ARRDC5: variants seen among roughly 807,000 people sequenced by gnomAD.
ARRDC5 encodes arrestin domain-containing protein 5.
ARRDC5 carries 12 observed loss-of-function variants against 13.3 expected under a neutral mutation model. The ratio of observed to expected loss-of-function variants is 0.90; its 90% CI spans 0.58 to 1.46. The LOEUF is 1.46. ARRDC5 is among the 40% of genes most tolerant of loss of function. The pLI is 0.00. For synonymous variants in ARRDC5, 181 were observed against 173.4 expected, an observed-to-expected ratio of 1.04 and a Z score of -0.34; for missense variants, 406 against 418.7, an observed-to-expected ratio of 0.97 and a Z score of 0.26.
the ARRDC5 span, among the ~76,000 whole-genome samples, chr19:4,908,659 C>T: frequency 2.0e-5 from 3 of 152,178 alleles, no homozygotes; most frequent in Admixed American, 6.5e-5. Flanking sequence ...GAGAGAGTAT[C>T]CTCTCTCCCC....
chr19:4,898,949 G>A (rs1054237452), intron 1 of ARRDC5, among the ~76,000 whole-genome samples: 3 of 151,652 alleles, frequency 2.0e-5, no homozygotes, highest in African/African-American at 4.8e-5. Context: ...TTTCATCACT[G>A]CTGCATCCCC....
chr19:4,896,348 A>ATATTTT (rs1407717173), intron 2 of ARRDC5, among the ~76,000 whole-genome samples: 12 of 59,608 alleles, frequency 2.0e-4, no homozygotes, highest in African/African-American at 7.7e-4. Flanking sequence ...ATATATATAT[A>ATATTTT]TTTTTTTTTT....
rs200747601 is a variant in ARRDC5, at chr19:4,896,762, G to T, written c.368C>A (p.Ser123Tyr). 6.2e-7 allele frequency: 1 copy of T among 1,613,772 alleles called. No homozygotes were observed. The highest frequency in any genetic ancestry group is 2.2e-5 in the East Asian group (1 of 44,870). ...TAAAATGTGTTCCCTGCCCATGCAG[G>T]AAGCTTGTACGAAATAGAAGACATG... ...FGHVFYFVQA[S>Y]CMGREHILAK... The change falls in exon 2 of 3, where the codon TCC becomes TAC. Residue 123 changes from serine to tyrosine, a missense_variant. Ser to Tyr is a moderately radical substitution (Grantham distance 144). Transcript: ENST00000650722.
At chr19:4,892,402 T>TA (rs1276884216) in intron 2 of ARRDC5, among the ~76,000 whole-genome samples, 2 of 144,124 alleles carry the variant, frequency 1.4e-5, no homozygotes, top group Non-Finnish European at 3.0e-5. Context: ...TTTTTTTTTT[T>TA]AATGCAGCCT....
Position 4,896,806 on chromosome 19 carries a change from G to A in ARRDC5, c.324C>T (p.Thr108=), listed in dbSNP as rs1301015540. 6.2e-7 allele frequency: 1 copy of A among 1,613,890 alleles called. No individual in the cohort carries two copies. Among genetic ancestry groups the A allele is most frequent in the Non-Finnish European group, 8.5e-7 (1 of 1,179,842 alleles). The change falls in exon 2 of 3, where the codon ACC becomes ACT. Residue 108 remains threonine, a synonymous_variant. Coordinates refer to ENST00000650722, the MANE Select transcript of ARRDC5 (RefSeq NM_001080523.3). ...HFNLPPRLPS[T]FTSKFGHVFY... ...AGACATGGCCAAATTTGCTGGTGAA[G>A]GTAGAAGGAAGCCTGGGAGGTAAGT...
Position 4,891,329 on chromosome 19 carries a change from T to G in ARRDC5, c.704A>C (p.Glu235Ala), listed in dbSNP as rs201181989. 1.2e-5 allele frequency: 20 copies of G among 1,613,850 alleles called. No homozygotes were observed. In the East Asian group the frequency reaches 4.5e-4, roughly 36 times the overall value. ...GGTGTTGGCCTCCTGCCTCAGAAGCTCGCTGCTGTCCAGCCGAGACCGCCG... is the reference window on the plus strand; with the variant it reads ...GGTGTTGGCCTCCTGCCTCAGAAGCGCGCTGCTGTCCAGCCGAGACCGCCG... The part of the protein sequence containing the change: ...AERRSRLDSS[E>A]LLRQEANTPV... Residue 235 changes from glutamate (E) to alanine (A), a missense_variant, in exon 3 of 3, where the codon GAG becomes GCG. Transcript: ENST00000650722.
chr19:4,906,697 G>C (rs185413375), upstream of ARRDC5, among the ~76,000 whole-genome samples: 530 of 152,238 alleles, frequency 3.5e-3, 4 homozygotes, highest in Admixed American at 0.011. Flanking sequence ...AGGTTGCGGA[G>C]AGCCAAGATC....
At chr19:4,913,298 G>T in the ARRDC5 span, among the ~76,000 whole-genome samples, 2 of 125,768 alleles carry the variant, frequency 1.6e-5, no homozygotes, top group East Asian at 4.3e-4. Context: ...TTGTTGCCCA[G>T]GCTGGAGTGC....
the ARRDC5 span, chr19:4,910,850 G>A: frequency 1.9e-6 from 3 of 1,580,254 alleles, no homozygotes; most frequent in African/African-American, 4.1e-5. Context: ...AAAACTGATG[G>A]GGGTTTTTGC....
chr19:4,897,544 G>A (rs532981095), intron 1 of ARRDC5, among the ~76,000 whole-genome samples: 4 of 152,236 alleles, frequency 2.6e-5, no homozygotes, highest in African/African-American at 9.6e-5. Context: ...TAGGGACAAA[G>A]TCTGGCTCTG....
At chr19:4,909,386 C>G in the ARRDC5 span, 2 of 633,962 alleles carry the variant, frequency 3.2e-6, no homozygotes, top group Admixed American at 2.4e-5. Context: ...GCCCCCCACC[C>G]TCTTTCTCGC....
intron 1 of ARRDC5, among the ~76,000 whole-genome samples, chr19:4,897,604 A>C (rs563151894): frequency 6.6e-6 from 1 of 151,936 alleles, no homozygotes; most frequent in African/African-American, 2.4e-5. Context: ...GCAGCCTCCA[A>C]CTCCTGAGAT....
At chr19:4,913,143 C>T in the ARRDC5 span, among the ~76,000 whole-genome samples, 62 of 152,200 alleles carry the variant, frequency 4.1e-4, no homozygotes, top group African/African-American at 1.2e-3. Flanking sequence ...ACCCCTATCT[C>T]CCCTCATTTG....
At chr19:4,916,080 C>T in the ARRDC5 span, among the ~76,000 whole-genome samples, 7 of 152,070 alleles carry the variant, frequency 4.6e-5, no homozygotes, top group African/African-American at 1.2e-4. Context: ...GAGGCTGAGG[C>T]GAGGATCGCT....
At chr19:4,912,619 TTCTC>T in the ARRDC5 span, among the ~76,000 whole-genome samples, 10 of 152,192 alleles carry the variant, frequency 6.6e-5, no homozygotes, top group African/African-American at 2.2e-4. Flanking sequence ...CGCTCTGTCT[TTCTC>T]TCTGCCCGCC....
At chr19:4,898,167 A>G (rs2031796689) in intron 1 of ARRDC5, among the ~76,000 whole-genome samples, 1 of 152,278 alleles carries the variant, frequency 6.6e-6, no homozygotes, top group South Asian at 2.1e-4. Context: ...CCTTCAGTGC[A>G]TGGTATACAG....
intron 1 of ARRDC5, among the ~76,000 whole-genome samples, chr19:4,899,807 C>T (rs1228362525): frequency 1.4e-5 from 2 of 143,688 alleles, no homozygotes; most frequent in Non-Finnish European, 3.0e-5. Flanking sequence ...GGCGTGGTGG[C>T]GGGCACCTGT....
At chr19:4,912,068 T>C in the ARRDC5 span, among the ~76,000 whole-genome samples, 2 of 152,208 alleles carry the variant, frequency 1.3e-5, no homozygotes, top group Admixed American at 1.3e-4. Flanking sequence ...GATTAATTTC[T>C]CTGGCTTGCA....
chr19:4,894,193 G>A (rs2031619771), intron 2 of ARRDC5, among the ~76,000 whole-genome samples: 1 of 150,652 alleles, frequency 6.6e-6, no homozygotes, highest in African/African-American at 2.4e-5. Flanking sequence ...TGGCTAACAC[G>A]GTGAAACCCC....
Sources: allele counts gnomAD v4.1 joint callset (sites outside exome capture counted in the v4.1 genomes callset), GRCh38; gene constraint gnomAD v4.1.1; transcripts MANE v1.5; gene names NCBI Gene and HGNC (gene_info 2026-07-23, HGNC 2026-07-21).